Variants in THRB observed in about 807,000 individuals in gnomAD.
The protein encoded by THRB is nuclear receptor subfamily 1 group A member 2.
Under a neutral mutation model 47.8 loss-of-function variants are expected in THRB, and 12 were observed. The ratio of observed to expected loss-of-function variants is 0.25; its 90% CI spans 0.16 to 0.41. THRB has a LOEUF of 0.41. Ranked by LOEUF, THRB falls within the 10% of genes least tolerant of loss-of-function variation. THRB has a pLI of 1.00. For synonymous variants in THRB, 218 were observed against 212.2 expected, an observed-to-expected ratio of 1.03 and a Z score of -0.24; for missense variants, 348 against 589.2, an observed-to-expected ratio of 0.59 and a Z score of 4.24.
intron 1 of THRB, among the ~76,000 whole-genome samples, chr3:24,465,414 A>G (rs1422397998): frequency 2.0e-5 from 3 of 152,034 alleles, no homozygotes; most frequent in Admixed American, 1.3e-4. Flanking sequence ...GTTTAGAATT[A>G]TTTTTTGAGA....
At chr3:24,284,566 C>A (rs1201095926) in intron 3 of THRB, among the ~76,000 whole-genome samples, 14 of 151,378 alleles carry the variant, frequency 9.2e-5, no homozygotes, top group African/African-American at 2.5e-4. Context: ...TCAACAAAAG[C>A]CAAAATTGAC....
chr3:24,148,651 T>C (rs1034069133), intron 6 of THRB, among the ~76,000 whole-genome samples: 10 of 152,220 alleles, frequency 6.6e-5, no homozygotes, highest in African/African-American at 2.4e-4. Context: ...TCAGTTGATC[T>C]AGATTCAGCC....
At chr3:24,442,462 G>C (rs2074632820) in intron 1 of THRB, among the ~76,000 whole-genome samples, 1 of 152,196 alleles carries the variant, frequency 6.6e-6, no homozygotes, top group South Asian at 2.1e-4. Context: ...GGTGACCCTT[G>C]AGGCACTCAA....
At chr3:24,220,573 CA>C (rs2047049824) in intron 4 of THRB, among the ~76,000 whole-genome samples, 1 of 152,086 alleles carries the variant, frequency 6.6e-6, no homozygotes, top group African/African-American at 2.4e-5. Context: ...AGAGAGGGAT[CA>C]AATTTCTGGT....
At chr3:24,230,160 C>T (rs1559673245) in intron 3 of THRB, among the ~76,000 whole-genome samples, 1 of 152,194 alleles carries the variant, frequency 6.6e-6, no homozygotes, top group Non-Finnish European at 1.5e-5. Flanking sequence ...CAGATTTATA[C>T]ATAGCCATTC....
chr3:24,229,596 G>A (rs978863611), intron 3 of THRB, among the ~76,000 whole-genome samples: 6 of 152,182 alleles, frequency 3.9e-5, no homozygotes, highest in Non-Finnish European at 7.3e-5. Context: ...AGATCCAAGA[G>A]CAACAGTCAG....
chr3:24,283,518 T>G (rs1350236214), intron 3 of THRB, among the ~76,000 whole-genome samples: 3 of 151,036 alleles, frequency 2.0e-5, no homozygotes, highest in East Asian at 3.9e-4. Context: ...CTTTGAAAAC[T>G]GGCACAAGAC....
chr3:24,316,317 A>C (rs757347881), intron 2 of THRB, among the ~76,000 whole-genome samples: 1 of 152,074 alleles, frequency 6.6e-6, no homozygotes, highest in Non-Finnish European at 1.5e-5. Flanking sequence ...ATTTCATCAT[A>C]ATATATTTTT....
At chr3:24,354,158 A>G (rs2063526045) in intron 1 of THRB, among the ~76,000 whole-genome samples, 1 of 152,188 alleles carries the variant, frequency 6.6e-6, no homozygotes, top group African/African-American at 2.4e-5. Context: ...CTCACTTATA[A>G]GTAGGAGCTA....
Position 24,121,302 on chromosome 3 carries a change from C to T in THRB, c.*1582G>A, listed in dbSNP as rs1455770141. Reference sequence around the variant, plus strand: ...AGACTTCTGGGCCAGTTATGCTCCACCAAACTTACAAAAAGCATCTACTTG... The same window carrying T: ...AGACTTCTGGGCCAGTTATGCTCCATCAAACTTACAAAAAGCATCTACTTG... On this transcript the variant is annotated 3_prime_UTR_variant, in exon 11 of 11. Coordinates refer to ENST00000646209, the MANE Select transcript of THRB (RefSeq NM_001354712.2). The T allele has an allele frequency of 1.3e-5, 2 of 152,600 alleles. No individual in the cohort carries two copies. Among genetic ancestry groups the T allele is most frequent in the Non-Finnish European group, 2.9e-5 (2 of 68,026 alleles). 9.5% of individuals were successfully genotyped at this position (152,600 alleles called of 1,614,324 possible). A position where few individuals can be genotyped will look rare whatever the true frequency, so the allele number is the denominator to read the frequency against.
chr3:24,125,409 G>A (rs2032564761), intron 10 of THRB, among the ~76,000 whole-genome samples: 1 of 152,134 alleles, frequency 6.6e-6, no homozygotes, highest in South Asian at 2.1e-4. Flanking sequence ...GCTTTCTCGT[G>A]GTGTGATTCA....
intron 5 of THRB, among the ~76,000 whole-genome samples, chr3:24,184,643 C>A (rs1349861807): frequency 2.0e-5 from 3 of 152,134 alleles, no homozygotes; most frequent in African/African-American, 7.2e-5. Flanking sequence ...TCAAATCACA[C>A]AGCTATCTGA....
intron 2 of THRB, among the ~76,000 whole-genome samples, chr3:24,319,730 A>C (rs1218931043): frequency 6.6e-6 from 1 of 152,252 alleles, no homozygotes; most frequent in Non-Finnish European, 1.5e-5. Context: ...GTTTTTCTTC[A>C]TAAACTCAAT....
At chr3:24,288,586 G>A (rs188537895) in intron 3 of THRB, among the ~76,000 whole-genome samples, 1 of 152,174 alleles carries the variant, frequency 6.6e-6, no homozygotes, top group East Asian at 1.9e-4. Context: ...GCTGCCAAAG[G>A]ATGTTTTTAC....
intron 3 of THRB, among the ~76,000 whole-genome samples, chr3:24,235,679 T>C (rs552587336): frequency 6.6e-6 from 1 of 152,186 alleles, no homozygotes; most frequent in Admixed American, 6.5e-5. Context: ...GTCAGACCCA[T>C]GAGTGTGACG....
At chr3:24,348,166 A>G (rs1302324226) in intron 1 of THRB, among the ~76,000 whole-genome samples, 2 of 152,194 alleles carry the variant, frequency 1.3e-5, no homozygotes, top group East Asian at 1.9e-4. Context: ...TTAAAAATAT[A>G]AGGTTGGTTT....
chr3:24,262,070 G>C (rs1177106541), intron 3 of THRB, among the ~76,000 whole-genome samples: 1 of 152,018 alleles, frequency 6.6e-6, no homozygotes, highest in African/African-American at 2.4e-5. Context: ...TTGAACTCTA[G>C]ACTTGTATAT....
intron 1 of THRB, among the ~76,000 whole-genome samples, chr3:24,445,185 TTAAC>T (rs2071947410): frequency 6.6e-6 from 1 of 152,072 alleles, no homozygotes; most frequent in African/African-American, 2.4e-5. Flanking sequence ...TGGCATTGAA[TTAAC>T]TATTTGAATA....
At chr3:24,193,715 T>G (rs763783058) in intron 4 of THRB, among the ~76,000 whole-genome samples, 2 of 152,112 alleles carry the variant, frequency 1.3e-5, no homozygotes, top group Non-Finnish European at 2.9e-5. Flanking sequence ...AGTGTGGAGA[T>G]TCCTTAAAGA....
Sources: allele counts gnomAD v4.1 joint callset (sites outside exome capture counted in the v4.1 genomes callset), GRCh38; gene constraint gnomAD v4.1.1; transcripts MANE v1.5; gene names NCBI Gene and HGNC (gene_info 2026-07-23, HGNC 2026-07-21).